Variants in CFAP300 observed in about 807,000 individuals in gnomAD.
The protein encoded by CFAP300 is cilia and flagella associated protein 300.
A neutral mutation model predicts 33.0 loss-of-function variants in CFAP300; 32 were observed. The ratio of observed to expected loss-of-function variants is 0.97; its 90% CI spans 0.73 to 1.30. The LOEUF (loss-of-function observed/expected upper bound fraction) is 1.30. Among genes scored for constraint, CFAP300 ranks in the 50% most tolerant of loss-of-function variants. The probability of loss-of-function intolerance (pLI) is 0.00; values close to 1 mark genes in which losing one functional copy is unlikely to be tolerated. For synonymous variants in CFAP300, 102 were observed against 106.8 expected (o/e 0.95, Z 0.28); for missense variants, 356 against 318.1 (o/e 1.12, Z -0.90).
At chr11:102,079,771 T>C (rs1308507357) in intron 5 of CFAP300, among the ~76,000 whole-genome samples, 1 of 152,208 alleles carries the variant, frequency 6.6e-6, no homozygotes, top group Non-Finnish European at 1.5e-5. Context: ...ATGTATTAAA[T>C]ATTTATAGAG....
intron 2 of CFAP300, among the ~76,000 whole-genome samples, chr11:102,055,318 TA>T (rs1350399208): frequency 1.3e-5 from 2 of 149,790 alleles, no homozygotes; most frequent in Non-Finnish European, 3.0e-5. Flanking sequence ...TATGCTCATA[TA>T]AATGTATAAA....
intron 1 of CFAP300, 27 bp from the exon 2 acceptor site, chr11:102,047,788 T>A (rs1941905287): frequency 6.2e-7 from 1 of 1,611,826 alleles, no homozygotes; most frequent in East Asian, 2.2e-5. Context: ...AGCCCCCAGA[T>A]GATTTCTTTT....
In CFAP300 at chr11:102,065,370, T is replaced by A. The variant is rs545633391; in HGVS notation, c.269-1115T>A. Among the ~76,000 whole-genome samples, 12 of 152,154 alleles carry A rather than the reference T, an allele frequency of 7.9e-5. No individual in the cohort carries two copies. The East Asian group carries it at 1.9e-3, about 25-fold the overall frequency. ...ATCCACCTGCCTCGGCTGTCCATAG[T>A]GCTGGAATTACAGGCATGACCCACC... On this transcript the variant is annotated intron_variant, in intron 3 of 6. Transcript: ENST00000434758.
At chr11:102,069,447 A>G (rs1014680581) in intron 4 of CFAP300, among the ~76,000 whole-genome samples, 1 of 152,350 alleles carries the variant, frequency 6.6e-6, no homozygotes, top group Admixed American at 6.5e-5. Flanking sequence ...GAGAAAAGCC[A>G]TAGAATATTA....
At position 102,066,503 on chromosome 11, in the gene CFAP300, T is replaced by C. The variant is rs1786172592; in HGVS notation, c.287T>C (p.Ile96Thr). 1 of 1,590,160 alleles carries C rather than the reference T, an allele frequency of 6.3e-7. No homozygotes were observed. The highest frequency in any genetic ancestry group is 1.3e-5 in the African/African-American group (1 of 74,120). ...WIILGTEVKK[I>T]EAINVPCTQL... Reference sequence around the variant, plus strand: ...TTTTCAGGAACTGAAGTGAAAAAAATTGAAGCTATAAATGTTCCTTGCACA... The same window carrying C: ...TTTTCAGGAACTGAAGTGAAAAAAACTGAAGCTATAAATGTTCCTTGCACA... Residue 96 changes from isoleucine to threonine, a missense_variant, in exon 4 of 7, where the codon ATT (isoleucine) becomes ACT (threonine). Coordinates refer to ENST00000434758, the MANE Select transcript of CFAP300 (RefSeq NM_032930.3).
intron 3 of CFAP300, among the ~76,000 whole-genome samples, chr11:102,061,403 G>C (rs1942147609): frequency 6.6e-6 from 1 of 152,160 alleles, no homozygotes; most frequent in Non-Finnish European, 1.5e-5. Flanking sequence ...AAGTGAACCA[G>C]TTCTAAAGAA....
At chr11:102,074,774 G>T (rs777925369) in intron 4 of CFAP300, among the ~76,000 whole-genome samples, 18 of 148,410 alleles carry the variant, frequency 1.2e-4, no homozygotes, top group Non-Finnish European at 2.2e-4. Flanking sequence ...GTCACAGTTC[G>T]CTGCAGCTTC....
At chr11:102,067,729 AC>A (rs1942250025) in intron 4 of CFAP300, among the ~76,000 whole-genome samples, 1 of 152,168 alleles carries the variant, frequency 6.6e-6, no homozygotes, top group South Asian at 2.1e-4. Flanking sequence ...ACAGAGCAAG[AC>A]CCTCATCTCT....
rs757364853 is a variant in CFAP300, at chr11:102,075,937, T to C, written c.500T>C (p.Leu167Pro). ...AGCCAACCAGATAGAGAAGAGTTCC[T>C]GTTTTGTCTTTTCAAACATCTTTGC... is the stretch of plus-strand genomic sequence containing the variant. ...IFSQPDREEF[L>P]FCLFKHLCLG... Residue 167 changes from leucine (L) to proline (P), a missense_variant, in exon 5 of 7, where the codon CTG becomes CCG. Coordinates refer to ENST00000434758, the MANE Select transcript of CFAP300 (RefSeq NM_032930.3). The C allele has an allele frequency of 6.2e-7, 1 of 1,613,890 alleles. No homozygotes were observed. Among genetic ancestry groups the C allele is most frequent in the Non-Finnish European group, 8.5e-7 (1 of 1,179,954 alleles).
Position 102,047,527 on chromosome 11 carries a change from G to T in CFAP300, c.57G>T (p.Gln19His). Residue 19 changes from glutamine (Q) to histidine (H), a missense_variant, in exon 1 of 7, where the codon CAG becomes CAT. Transcript: ENST00000434758. Reference sequence around the variant, plus strand: ...GCTACTACTTCAGGTTCTTGCCTCAGAAAACCTTCCAGTCTCTGAGCTCTA... The same window carrying T: ...GCTACTACTTCAGGTTCTTGCCTCATAAAACCTTCCAGTCTCTGAGCTCTA... ...LGGYYFRFLP[Q>H]KTFQSLSSKE... 1 of 1,536,048 alleles carries T rather than the reference G, an allele frequency of 6.5e-7. No homozygotes were observed. The highest frequency in any genetic ancestry group is 8.7e-7 in the Non-Finnish European group (1 of 1,146,814).
intron 4 of CFAP300, among the ~76,000 whole-genome samples, chr11:102,074,728 T>C (rs1942371391): frequency 6.6e-6 from 1 of 151,912 alleles, no homozygotes; most frequent in African/African-American, 2.4e-5. Flanking sequence ...TTTTTTTTTT[T>C]TTCCTCTGTC....
intron 3 of CFAP300, among the ~76,000 whole-genome samples, chr11:102,062,589 G>A (rs907733643): frequency 9.2e-5 from 14 of 152,190 alleles, no homozygotes; most frequent in Non-Finnish European, 1.6e-4. Flanking sequence ...TTTAGCTGAC[G>A]AGATTTCTAA....
chr11:102,061,488 A>G (rs1942148674), intron 3 of CFAP300, among the ~76,000 whole-genome samples: 1 of 152,176 alleles, frequency 6.6e-6, no homozygotes, highest in African/African-American at 2.4e-5. Flanking sequence ...TTATCCTCTC[A>G]GCCAGCCGCC....
At chr11:102,083,030 A>C in intron 6 of CFAP300, 41 bp from the exon 7 acceptor site, 5 of 1,072,616 alleles carry the variant, frequency 4.7e-6, no homozygotes, top group Non-Finnish European at 4.8e-6. Context: ...TAAATACATA[A>C]ATAAAATAAA....
chr11:102,061,023 A>T (rs1051468961), intron 3 of CFAP300, among the ~76,000 whole-genome samples: 2 of 152,222 alleles, frequency 1.3e-5, no homozygotes, highest in African/African-American at 4.8e-5. Flanking sequence ...AATCTATTTG[A>T]AAAAATAAGG....
At chr11:102,076,115 A>C in intron 5 of CFAP300, 70 bp downstream of exon 5, 20 of 1,490,190 alleles carry the variant, frequency 1.3e-5, no homozygotes, top group Non-Finnish European at 1.8e-5. Context: ...ACCTTGATGG[A>C]ATTACACAAC....
At chr11:102,053,154 G>A (rs1317944884) in intron 2 of CFAP300, among the ~76,000 whole-genome samples, 1 of 151,902 alleles carries the variant, frequency 6.6e-6, no homozygotes, top group Non-Finnish European at 1.5e-5. Flanking sequence ...ACTTGAACCT[G>A]GGAGGTGGAG....
chr11:102,066,757 C>T, intron 4 of CFAP300, 106 bp downstream of exon 4: 2 of 892,526 alleles, frequency 2.2e-6, no homozygotes, highest in African/African-American at 1.7e-5. Flanking sequence ...TCATAAAATA[C>T]CACCTATTTA....
intron 6 of CFAP300, among the ~76,000 whole-genome samples, chr11:102,081,693 C>A (rs925898816): frequency 6.6e-6 from 1 of 151,956 alleles, no homozygotes; most frequent in Non-Finnish European, 1.5e-5. Context: ...GAGATCGAGA[C>A]CATCCTGGCT....
Sources: allele counts gnomAD v4.1 joint callset (sites outside exome capture counted in the v4.1 genomes callset), GRCh38; gene constraint gnomAD v4.1.1; transcripts MANE v1.5; gene names NCBI Gene and HGNC (gene_info 2026-07-23, HGNC 2026-07-21).